The following ABCA5 variants were observed in gnomAD, a reference collection of about 807,000 sequenced individuals.
ABCA5 encodes cholesterol transporter ABCA5.
In ABCA5, 163 loss-of-function variants were observed where a neutral mutation model predicts 206.0. The observed-to-expected ratio is 0.79, with a 90% CI of 0.70 to 0.90. The LOEUF is 0.90. Among genes scored for constraint, ABCA5 ranks in the 40% least tolerant of loss-of-function variants. The pLI is 0.00. For synonymous variants in ABCA5, 609 were observed against 613.8 expected (o/e 0.99, Z 0.11); for missense variants, 1,859 against 1,912.9 (o/e 0.97, Z 0.53).
In ABCA5 at chr17:69,326,172, G is replaced by A. The variant is rs1048672763; in HGVS notation, c.-16+880C>T. 6.6e-6 allele frequency among the ~76,000 whole-genome samples: 1 copy of A among 152,086 alleles called. No homozygotes were observed. Among genetic ancestry groups the A allele is most frequent in the African/African-American group, 2.4e-5 (1 of 41,408 alleles). On this transcript the variant is annotated intron_variant, in intron 1 of 38. Coordinates refer to ENST00000392676, the MANE Select transcript of ABCA5 (RefSeq NM_172232.4). The surrounding 1 kb of genome is among the most constrained non-coding windows in gnomAD (Gnocchi z 4.8). ...CCTTAATAAGTTACTTAACCTCTTT[G>A]AGGCCCATTCTCCACACCTGCCCAA...
At chr17:69,251,902 C>A (rs1239162545) in intron 34 of ABCA5, 36 bp from the exon 35 acceptor site, 2 of 1,589,850 alleles carry the variant, frequency 1.3e-6, no homozygotes. Flanking sequence ...GAGAGGAACA[C>A]ATCTGTTTGT....
intron 38 of ABCA5, among the ~76,000 whole-genome samples, chr17:69,247,954 T>C (rs1447840908): frequency 2.6e-5 from 4 of 152,048 alleles, no homozygotes; most frequent in Non-Finnish European, 4.4e-5. Context: ...AAAACAGATA[T>C]TCAAAATCAG....
rs1426243142 is a variant in ABCA5, at chr17:69,298,334, GGAAGGAAGGAAGGAAA to G, written c.1268-991_1268-976del. Among the ~76,000 whole-genome samples the G allele has an allele frequency of 5.1e-4, 76 of 149,918 alleles. 7 individuals carry two copies. The highest frequency in any genetic ancestry group is 1.0e-3 in the East Asian group (5 of 5,004). The stretch of plus-strand genomic sequence containing the variant: ...AGAGAGAGAGGAAGGAAGGAAGGAA[GGAAGGAAGGAAGGAAA>G]GAAGGAAAGAAAGGGCATACAGTGG... On this transcript the variant is annotated intron_variant, in intron 9 of 38. Coordinates refer to ENST00000392676, the MANE Select transcript of ABCA5 (RefSeq NM_172232.4).
At chr17:69,261,586 G>T in intron 25 of ABCA5, 49 bp downstream of exon 25, 1 of 855,322 alleles carries the variant, frequency 1.2e-6, no homozygotes, top group South Asian at 1.7e-5. Flanking sequence ...AAGAATTCAT[G>T]TTAATTAAAC....
intron 28 of ABCA5, among the ~76,000 whole-genome samples, chr17:69,257,788 C>A (rs1598151835): frequency 6.6e-6 from 1 of 151,050 alleles, no homozygotes; most frequent in African/African-American, 2.4e-5. Flanking sequence ...CTTTTGAGAT[C>A]CAGAAAGGAA....
chr17:69,274,994 C>T (rs575809118), intron 19 of ABCA5, among the ~76,000 whole-genome samples: 1 of 152,062 alleles, frequency 6.6e-6, no homozygotes, highest in South Asian at 2.1e-4. Flanking sequence ...CTGGCATGTG[C>T]CACTGTACCC....
chr17:69,266,599 A>T (rs2075211647), intron 23 of ABCA5, among the ~76,000 whole-genome samples: 1 of 147,410 alleles, frequency 6.8e-6, no homozygotes. Flanking sequence ...TAAAAAAATT[A>T]AAAAATAAAT....
Position 69,244,753 on chromosome 17 carries a change from G to C in ABCA5, c.*2784C>G, listed in dbSNP as rs543085175. 1 of 151,356 alleles carries C rather than the reference G, an allele frequency of 6.6e-6. No individual in the cohort carries two copies. Among genetic ancestry groups the C allele is most frequent in the Non-Finnish European group, 1.5e-5 (1 of 67,694 alleles). The allele number at this position is 151,356 out of a possible 1,614,324, so 9.4% of individuals were successfully genotyped here. On this transcript the variant is annotated 3_prime_UTR_variant, in exon 39 of 39. Transcript: ENST00000392676. Reference sequence around the variant, plus strand: ...CAGGGCACAATTAGAATGAAGTTTTGAGTAACTAACAGAACAACAATAAAA... The same window carrying C: ...CAGGGCACAATTAGAATGAAGTTTTCAGTAACTAACAGAACAACAATAAAA...
intron 15 of ABCA5, among the ~76,000 whole-genome samples, chr17:69,286,543 A>T (rs929319424): frequency 1.3e-5 from 2 of 152,192 alleles, no homozygotes; most frequent in Non-Finnish European, 2.9e-5. Flanking sequence ...ATTAAGTAAC[A>T]AAGCCAGGAA....
intron 10 of ABCA5, among the ~76,000 whole-genome samples, chr17:69,295,990 A>G (rs1175429842): frequency 1.3e-5 from 2 of 152,206 alleles, no homozygotes; most frequent in Non-Finnish European, 2.9e-5. Flanking sequence ...TTCCATTGTA[A>G]GCGTCATTGA....
At chr17:69,276,481 A>G (rs1000454820) in intron 19 of ABCA5, among the ~76,000 whole-genome samples, 1 of 152,242 alleles carries the variant, frequency 6.6e-6, no homozygotes, top group African/African-American at 2.4e-5. Context: ...GCCATAAAAA[A>G]GGATGAGTTC....
At chr17:69,251,913 TAA>T in intron 34 of ABCA5, 47 bp from the exon 35 acceptor site, 11 of 1,558,358 alleles carry the variant, frequency 7.1e-6, no homozygotes, top group Non-Finnish European at 9.5e-6. Flanking sequence ...ATCTGTTTGT[TAA>T]AAAAAAATGG....
intron 11 of ABCA5, among the ~76,000 whole-genome samples, chr17:69,292,052 T>G (rs2075533015): frequency 6.6e-6 from 1 of 152,152 alleles, no homozygotes; most frequent in African/African-American, 2.4e-5. Context: ...AGGGCTATGA[T>G]AAGCCAAGAC....
intron 18 of ABCA5, among the ~76,000 whole-genome samples, chr17:69,281,771 T>A (rs373588566): frequency 5.3e-5 from 8 of 152,198 alleles, no homozygotes; most frequent in African/African-American, 1.9e-4. Context: ...TAAATTCTAG[T>A]AATATTTTAA....
Position 69,280,440 on chromosome 17 carries a change from T to A in ABCA5, c.2393-2598A>T, listed in dbSNP as rs1331401588. On this transcript the variant is annotated intron_variant, in intron 18 of 38. Coordinates refer to ENST00000392676, the MANE Select transcript of ABCA5 (RefSeq NM_172232.4). ...AACACTTTTACACTGTTGGTGGCAC[T>A]GTAAACTAGTTCAACCATTGTGGAA... Among the ~76,000 whole-genome samples, 18 of 150,628 alleles carry A rather than the reference T, an allele frequency of 1.2e-4. 1 individual carries two copies. The highest frequency in any genetic ancestry group is 3.9e-4 in the African/African-American group (16 of 41,250).
chr17:69,261,695 A>G lies in ABCA5; in HGVS notation c.3369T>C (p.Ala1123=). 6.6e-7 allele frequency: 1 copy of G among 1,521,860 alleles called. No individual in the cohort carries two copies. The highest frequency in any genetic ancestry group is 8.8e-7 in the Non-Finnish European group (1 of 1,132,926). The allele number at this position is 1,521,860 out of a possible 1,614,324, so 94.3% of individuals were successfully genotyped here. A position where few individuals can be genotyped will look rare whatever the true frequency, so the allele number is the denominator to read the frequency against. Residue 1123 remains alanine (A), a synonymous_variant, in exon 25 of 39, where the codon GCT becomes GCC. Transcript: ENST00000392676. ...VPSVILFTYI[A]SFTFKKILNT... ...TTAAAATTTTCTTAAAGGTGAAAGA[A>G]GCAATATAAGTGAACAGAATAACTG...
chr17:69,326,660 TC>T lies in ABCA5; in HGVS notation c.-16+391del, dbSNP rs1447486353. Among the ~76,000 whole-genome samples, 1 of 152,236 alleles carries T rather than the reference TC, an allele frequency of 6.6e-6. No individual in the cohort carries two copies. The highest frequency in any genetic ancestry group is 1.5e-5 in the Non-Finnish European group (1 of 68,030). On this transcript the variant is annotated intron_variant, in intron 1 of 38. Coordinates refer to ENST00000392676, the MANE Select transcript of ABCA5 (RefSeq NM_172232.4). The surrounding 1 kb of genome is among the most constrained non-coding windows in gnomAD (Gnocchi z 4.8). Reference sequence around the variant, plus strand: ...CGGAAATTTACATCAATATTTGTTTTCCTTCTTTCCCTGAGGTTGCTGAGGG... The same window carrying T: ...CGGAAATTTACATCAATATTTGTTTTCTTCTTTCCCTGAGGTTGCTGAGGG...
chr17:69,267,681 G>A (rs920139565), intron 23 of ABCA5, among the ~76,000 whole-genome samples: 13 of 152,044 alleles, frequency 8.6e-5, no homozygotes, highest in Non-Finnish European at 1.5e-4. Context: ...TTGATTTCCT[G>A]ATCTATAAGA....
chr17:69,272,633 G>A (rs954051720), intron 20 of ABCA5, among the ~76,000 whole-genome samples: 3 of 152,000 alleles, frequency 2.0e-5, no homozygotes, highest in Admixed American at 1.3e-4. Flanking sequence ...AAACCAAAAC[G>A]AGAATTCATA....
Sources: gnomAD v4.1 joint callset for allele counts (sites outside exome capture counted in the v4.1 genomes callset) on GRCh38, gnomAD v4.1.1 for gene constraint, Gnocchi (gnomAD v3.1) non-coding constraint, MANE v1.5 for transcripts, NCBI Gene and HGNC (gene_info 2026-07-23, HGNC 2026-07-21) for gene names.